HHAT: variants seen among roughly 807,000 people sequenced by gnomAD.
HHAT encodes protein-cysteine N-palmitoyltransferase HHAT.
HHAT carries 47 observed loss-of-function variants against 70.8 expected under a neutral mutation model. The observed-to-expected ratio is 0.66, with a 90% CI of 0.53 to 0.85. The LOEUF (loss-of-function observed/expected upper bound fraction) is 0.85, where lower values mean the gene tolerates loss of function less well. Ranked by LOEUF, HHAT falls within the 40% of genes least tolerant of loss-of-function variation. HHAT has a pLI of 0.00. For missense variants in HHAT, 609 were observed against 604.8 expected (o/e 1.01, Z -0.07); for synonymous variants, 228 against 247.6 (o/e 0.92, Z 0.74).
At chr1:210,665,775 T>G (rs140095305) in intron 11 of HHAT, among the ~76,000 whole-genome samples, 23 of 152,332 alleles carry the variant, frequency 1.5e-4, no homozygotes, top group African/African-American at 5.3e-4. Context: ...GTGATGTGGC[T>G]TCAAGCAAGA....
intron 9 of HHAT, among the ~76,000 whole-genome samples, chr1:210,583,947 ATT>A (rs371722219): frequency 0.019 from 1,660 of 88,942 alleles, 12 homozygotes; most frequent in African/African-American, 0.065. Context: ...AGTGCAGCTA[ATT>A]TTTTTTTTTT....
At chr1:210,615,407 T>G (rs1667483586) in intron 10 of HHAT, among the ~76,000 whole-genome samples, 1 of 152,230 alleles carries the variant, frequency 6.6e-6, no homozygotes, top group African/African-American at 2.4e-5. Flanking sequence ...CTCGGAGAAG[T>G]TTGATCGTCT....
intron 9 of HHAT, among the ~76,000 whole-genome samples, chr1:210,569,917 A>G (rs1274163557): frequency 6.6e-6 from 1 of 152,240 alleles, no homozygotes; most frequent in Non-Finnish European, 1.5e-5. Flanking sequence ...AGATGTTTCA[A>G]TCCCTCTTTA....
intron 9 of HHAT, among the ~76,000 whole-genome samples, chr1:210,559,104 A>G (rs1355854119): frequency 6.6e-6 from 1 of 152,242 alleles, no homozygotes. Flanking sequence ...ATCACAGAGC[A>G]TGAAGACTTA....
intron 2 of HHAT, among the ~76,000 whole-genome samples, chr1:210,355,780 T>C (rs1189263160): frequency 2.6e-5 from 4 of 152,240 alleles, no homozygotes; most frequent in Non-Finnish European, 5.9e-5. Flanking sequence ...CATCAGTGTC[T>C]GATGTTATTC....
chr1:210,586,916 A>T (rs1199916231), intron 9 of HHAT, among the ~76,000 whole-genome samples: 7 of 152,202 alleles, frequency 4.6e-5, no homozygotes, highest in African/African-American at 1.7e-4. Context: ...GAACATACCC[A>T]GGGGACAGCT....
chr1:210,608,936 C>T (rs534420385), intron 10 of HHAT, among the ~76,000 whole-genome samples: 1 of 152,208 alleles, frequency 6.6e-6, no homozygotes, highest in African/African-American at 2.4e-5. Context: ...GGATGCAAGG[C>T]ACCTTCTTCA....
At chr1:210,364,112 C>A (rs1182248803) in intron 3 of HHAT, among the ~76,000 whole-genome samples, 1 of 152,214 alleles carries the variant, frequency 6.6e-6, no homozygotes, top group African/African-American at 2.4e-5. Flanking sequence ...GCATCCTGCC[C>A]TGCATGGGGT....
At chr1:210,353,608 G>A (rs2087291068) in intron 2 of HHAT, among the ~76,000 whole-genome samples, 1 of 151,852 alleles carries the variant, frequency 6.6e-6, no homozygotes. Context: ...AGTTTGATTA[G>A]TATATTGTGG....
At chr1:210,424,831 C>T (rs1453920217) in intron 7 of HHAT, among the ~76,000 whole-genome samples, 1 of 152,070 alleles carries the variant, frequency 6.6e-6, no homozygotes, top group Admixed American at 6.6e-5. Context: ...GTCTTTGTAA[C>T]AGCACTATTT....
chr1:210,447,463 A>C (rs1347446041), intron 7 of HHAT, among the ~76,000 whole-genome samples: 1 of 152,222 alleles, frequency 6.6e-6, no homozygotes, highest in African/African-American at 2.4e-5. Flanking sequence ...GGATAATTTA[A>C]TTGGAGGCTT....
At chr1:210,635,197 G>A (rs528588195) in intron 11 of HHAT, among the ~76,000 whole-genome samples, 2 of 152,238 alleles carry the variant, frequency 1.3e-5, no homozygotes, top group Admixed American at 6.5e-5. Context: ...TCGGGGGATG[G>A]GGCACAGCCT....
chr1:210,658,542 T>G (rs1328213023), intron 11 of HHAT, among the ~76,000 whole-genome samples: 1 of 152,164 alleles, frequency 6.6e-6, no homozygotes, highest in Admixed American at 6.6e-5. Flanking sequence ...TCTGTCTCAT[T>G]GATCTGTCTA....
intron 2 of HHAT, among the ~76,000 whole-genome samples, chr1:210,353,159 T>C: frequency 6.6e-6 from 1 of 151,994 alleles, no homozygotes; most frequent in African/African-American, 2.4e-5. Context: ...TGGTCTCGAA[T>C]TCCTGACCTG....
intron 7 of HHAT, chr1:210,439,811 G>T (rs2093464374): frequency 6.6e-6 from 1 of 151,964 alleles, no homozygotes; most frequent in Non-Finnish European, 1.5e-5. Context: ...GGCTGTCGCT[G>T]CTGACAAGTG....
At chr1:210,406,808 T>C (rs1301463528) in intron 6 of HHAT, among the ~76,000 whole-genome samples, 1 of 152,178 alleles carries the variant, frequency 6.6e-6, no homozygotes, top group Non-Finnish European at 1.5e-5. Flanking sequence ...AGGGTTCTCA[T>C]TCTCTTGAGT....
At chr1:210,414,459 A>G (rs2092657408) in intron 6 of HHAT, among the ~76,000 whole-genome samples, 1 of 152,190 alleles carries the variant, frequency 6.6e-6, no homozygotes, top group African/African-American at 2.4e-5. Context: ...AAATGAACCA[A>G]GAAGAACTCA....
Position 210,549,828 on chromosome 1 carries a change from C to G in HHAT, c.1043+36640C>G, listed in dbSNP as rs1000110826. Among the ~76,000 whole-genome samples the G allele has an allele frequency of 2.0e-5, 3 of 148,708 alleles. 1 individual carries two copies. The Admixed American group carries it at 2.1e-4, about 10-fold the overall frequency. On this transcript the variant is annotated intron_variant, in intron 9 of 11. Transcript: ENST00000261458. ...TGGGCAACATAGCAAGAACCCATCT[C>G]AAAGCAGTTTGAGAAGATTAAGATA...
chr1:210,394,229 C>CTTTTGTTTTTTTTTT (rs2091637605), intron 4 of HHAT, among the ~76,000 whole-genome samples: 1 of 116,288 alleles, frequency 8.6e-6, no homozygotes, highest in East Asian at 4.1e-4. Context: ...CATGATCTAT[C>CTTTTGTTTTTTTTTT]TTTTTTTTTT....
Sources: gnomAD v4.1 joint callset for allele counts (sites outside exome capture counted in the v4.1 genomes callset) on GRCh38, gnomAD v4.1.1 for gene constraint, MANE v1.5 for transcripts, NCBI Gene and HGNC (gene_info 2026-07-23, HGNC 2026-07-21) for gene names.